RELN: variants seen among roughly 807,000 people sequenced by gnomAD.
RELN encodes the protein reelin.
A neutral mutation model predicts 427.6 loss-of-function variants in RELN; 108 were observed. The ratio of observed to expected loss-of-function variants is 0.25; its 90% CI spans 0.22 to 0.30. RELN has a LOEUF of 0.30. Ranked by LOEUF, RELN falls within the 10% of genes least tolerant of loss-of-function variation. RELN has a pLI of 1.00. For synonymous variants in RELN, 1,524 were observed against 1,513.4 expected, an observed-to-expected ratio of 1.01 and a Z score of -0.16; for missense variants, 3,715 against 4,302.8, an observed-to-expected ratio of 0.86 and a Z score of 3.82.
intron 10 of RELN, among the ~76,000 whole-genome samples, chr7:103,684,525 C>A (rs879642331): frequency 1.3e-5 from 2 of 151,984 alleles, no homozygotes; most frequent in Non-Finnish European, 2.9e-5. Context: ...AAATTAAGAT[C>A]GGAAAAGAAC....
intron 1 of RELN, among the ~76,000 whole-genome samples, chr7:103,944,950 T>C (rs769359853): frequency 1.3e-5 from 2 of 152,044 alleles, no homozygotes; most frequent in Non-Finnish European, 2.9e-5. Context: ...GCTTGCTCCC[T>C]GAGAAGTAAA....
chr7:103,475,309 T>C (rs1827996739), intron 64 of RELN, among the ~76,000 whole-genome samples: 1 of 152,142 alleles, frequency 6.6e-6, no homozygotes, highest in Non-Finnish European at 1.5e-5. Context: ...TAAACTTTTG[T>C]TGGTATGGGG....
At chr7:103,571,979 A>G (rs1830891881) in intron 31 of RELN, among the ~76,000 whole-genome samples, 1 of 152,218 alleles carries the variant, frequency 6.6e-6, no homozygotes, top group Non-Finnish European at 1.5e-5. Context: ...CAGAGCAGAC[A>G]TGATATATTT....
Position 103,872,946 on chromosome 7 carries a change from G to A in RELN, c.338-39274C>T, listed in dbSNP as rs368872578. ...TTTTGTAAATTTGTTTGAGTTCATT[G>A]TAGATTCTGGATATTAGCCCTTTGT... On this transcript the variant is annotated intron_variant, in intron 2 of 64. Transcript: ENST00000428762. Among the ~76,000 whole-genome samples the A allele has an allele frequency of 7.3e-5, 11 of 151,380 alleles. No individual in the cohort carries two copies. The East Asian group carries it at 1.8e-3, about 24-fold the overall frequency.
intron 46 of RELN, among the ~76,000 whole-genome samples, chr7:103,531,191 A>G (rs1260445028): frequency 6.6e-6 from 1 of 152,226 alleles, no homozygotes; most frequent in African/African-American, 2.4e-5. Flanking sequence ...CATATGGTGA[A>G]AAGGATCTCC....
At chr7:103,867,991 C>T (rs1047638546) in intron 2 of RELN, among the ~76,000 whole-genome samples, 2 of 152,054 alleles carry the variant, frequency 1.3e-5, no homozygotes, top group African/African-American at 4.8e-5. Context: ...CAAGTGCCCT[C>T]CTGCTCTGTC....
At chr7:103,524,978 G>C (rs984059431) in intron 46 of RELN, among the ~76,000 whole-genome samples, 2 of 152,114 alleles carry the variant, frequency 1.3e-5, no homozygotes, top group Admixed American at 6.5e-5. Context: ...ATATCCGCCT[G>C]AACCTGGGCC....
chr7:103,881,534 T>C (rs111267816), intron 2 of RELN, among the ~76,000 whole-genome samples: 102 of 152,210 alleles, frequency 6.7e-4, no homozygotes, highest in African/African-American at 2.2e-3. Flanking sequence ...CTACTTCCAG[T>C]TCCCTGAATG....
At chr7:103,686,805 G>C (rs73712210) in intron 10 of RELN, among the ~76,000 whole-genome samples, 318 of 152,182 alleles carry the variant, frequency 2.1e-3, no homozygotes, top group African/African-American at 7.2e-3. Context: ...AGACTTTCAT[G>C]CTATATTAAA....
intron 2 of RELN, among the ~76,000 whole-genome samples, chr7:103,834,477 A>T (rs1445795287): frequency 6.6e-6 from 1 of 152,206 alleles, no homozygotes; most frequent in Non-Finnish European, 1.5e-5. Flanking sequence ...AAATGAGAAC[A>T]TCATGGCCTA....
In RELN at chr7:103,640,630, A is replaced by C; in HGVS notation, c.2003-21T>G. 1 of 1,612,668 alleles carries C rather than the reference A, an allele frequency of 6.2e-7. No homozygotes were observed. Among genetic ancestry groups the C allele is most frequent in the East Asian group, 2.2e-5 (1 of 44,716 alleles). ...ATAAACTGTGGGAGGGAAAAAGAGA[A>C]CATAATTACAAAAACATAGAACACT... On this transcript the variant is annotated intron_variant, in intron 16 of 64. Transcript: ENST00000428762. The surrounding 1 kb of genome is among the most constrained non-coding windows in gnomAD (Gnocchi z 4.1).
chr7:103,756,571 A>G (rs966115644), intron 4 of RELN, among the ~76,000 whole-genome samples: 1 of 152,142 alleles, frequency 6.6e-6, no homozygotes, highest in Non-Finnish European at 1.5e-5. Context: ...GTTGTAATAT[A>G]TTTTATGATA....
At chr7:103,840,335 G>A (rs1266022148) in intron 2 of RELN, among the ~76,000 whole-genome samples, 1 of 152,304 alleles carries the variant, frequency 6.6e-6, no homozygotes, top group Admixed American at 6.5e-5. Context: ...AAAAAGCTAA[G>A]ATTTTCCGTA....
intron 51 of RELN, among the ~76,000 whole-genome samples, chr7:103,509,516 A>G (rs1460831284): frequency 6.6e-6 from 1 of 152,252 alleles, no homozygotes; most frequent in African/African-American, 2.4e-5. Context: ...AGATGGATTA[A>G]AGATTTAAAT....
At chr7:103,545,794 C>T (rs1293586507) in intron 41 of RELN, among the ~76,000 whole-genome samples, 1 of 152,020 alleles carries the variant, frequency 6.6e-6, no homozygotes. Flanking sequence ...CACCACCACA[C>T]CTGGCTAATT....
In RELN at chr7:103,677,855, G is replaced by A. The variant is rs548566133; in HGVS notation, c.1289+4261C>T. Among the ~76,000 whole-genome samples, 31 of 149,194 alleles carry A rather than the reference G, an allele frequency of 2.1e-4. 1 individual carries two copies. Among genetic ancestry groups the A allele is most frequent in the African/African-American group, 7.4e-4 (30 of 40,530 alleles). ...CTTATAGCCCCACCCTGATTCCTTC[G>A]TGCAGCATCCATGACCTGGAGCAAT... On this transcript the variant is annotated intron_variant, in intron 11 of 64. Coordinates refer to ENST00000428762, the MANE Select transcript of RELN (RefSeq NM_005045.4).
intron 1 of RELN, among the ~76,000 whole-genome samples, chr7:103,978,187 C>G (rs1163453011): frequency 6.6e-6 from 1 of 152,128 alleles, no homozygotes; most frequent in South Asian, 2.1e-4. Context: ...TTCTTCCTAA[C>G]CGAAATTTTC....
At chr7:103,497,744 G>A in intron 55 of RELN, 76 bp downstream of exon 55, 1 of 1,192,464 alleles carries the variant, frequency 8.4e-7, no homozygotes, top group Admixed American at 1.7e-5. Flanking sequence ...GCAAAGCTTT[G>A]CAGAGACTTT....
chr7:103,734,851 C>A (rs1354746221), intron 6 of RELN, among the ~76,000 whole-genome samples: 2 of 152,132 alleles, frequency 1.3e-5, no homozygotes, highest in Non-Finnish European at 2.9e-5. Flanking sequence ...TTTACAATAA[C>A]TTTTCTTAAA....
Sources: gnomAD v4.1 joint callset for allele counts (sites outside exome capture counted in the v4.1 genomes callset) on GRCh38, gnomAD v4.1.1 for gene constraint, Gnocchi (gnomAD v3.1) non-coding constraint, MANE v1.5 for transcripts, NCBI Gene and HGNC (gene_info 2026-07-23, HGNC 2026-07-21) for gene names.